The following AGAP1 variants were observed in gnomAD, a reference collection of about 807,000 sequenced individuals.
The protein encoded by AGAP1 is arf-GAP with GTPase, ANK repeat and PH domain-containing protein 1.
AGAP1 carries 29 observed loss-of-function variants against 105.3 expected under a neutral mutation model. The observed-to-expected ratio is 0.28, with a 90% CI of 0.21 to 0.38. AGAP1 has a LOEUF of 0.38. Among genes scored for constraint, AGAP1 ranks in the 10% least tolerant of loss-of-function variants. The probability of loss-of-function intolerance (pLI) is 1.00; values close to 1 mark genes in which losing one functional copy is unlikely to be tolerated. For synonymous variants in AGAP1, 509 were observed against 485.9 expected (o/e 1.05, Z -0.63); for missense variants, 998 against 1,165.1 (o/e 0.86, Z 2.09).
chr2:235,611,509 G>C lies in AGAP1; in HGVS notation c.164-97670G>C, dbSNP rs2149254698. 6.6e-6 allele frequency among the ~76,000 whole-genome samples: 1 copy of C among 152,288 alleles called. No individual in the cohort carries two copies. Among genetic ancestry groups the C allele is most frequent in the Middle Eastern group, 3.4e-3 (1 of 294 alleles). On this transcript the variant is annotated intron_variant, in intron 1 of 17. Coordinates refer to ENST00000304032, the MANE Select transcript of AGAP1 (RefSeq NM_001037131.3). The surrounding 1 kb of genome is among the most constrained non-coding windows in gnomAD (Gnocchi z 5.0). Reference sequence around the variant, plus strand: ...CATGGGGTGGGTGGTTCTGATTCCTGTTTTGAGGTGGTGATTTATGATGCC... The same window carrying C: ...CATGGGGTGGGTGGTTCTGATTCCTCTTTTGAGGTGGTGATTTATGATGCC...
chr2:235,851,616 C>T (rs747581324), intron 9 of AGAP1, among the ~76,000 whole-genome samples: 17 of 152,042 alleles, frequency 1.1e-4, no homozygotes, highest in Non-Finnish European at 2.2e-4. Flanking sequence ...CCCGCGGCAG[C>T]ATACTCTAGG....
rs373102522 is a variant in AGAP1 at position 235,795,664 on chromosome 2, GA to G, written c.674-2086del. Among the ~76,000 whole-genome samples the G allele has an allele frequency of 6.9e-3, 1,033 of 150,504 alleles. 15 individuals are homozygous for G. The highest frequency in any genetic ancestry group is 0.021 in the African/African-American group (861 of 41,160). ...GGTAGAGGGGAAATAGGACAAATAT[GA>G]AAAAAAAATAGTAGAGTTTAAAAAC... On this transcript the variant is annotated intron_variant, in intron 6 of 17. Transcript: ENST00000304032.
intron 9 of AGAP1, among the ~76,000 whole-genome samples, chr2:235,841,285 A>G (rs1487830545): frequency 2.0e-5 from 3 of 152,182 alleles, no homozygotes; most frequent in Non-Finnish European, 4.4e-5. Context: ...GAAGTTACCA[A>G]CAGTCGCCGC....
chr2:235,905,636 A>T lies in AGAP1; in HGVS notation c.1156-3102A>T, dbSNP rs1225397933. Among the ~76,000 whole-genome samples the T allele has an allele frequency of 2.0e-5, 3 of 152,116 alleles. No individual in the cohort carries two copies. The highest frequency in any genetic ancestry group is 7.2e-5 in the African/African-American group (3 of 41,410). ...TGCCTTAGCCTCCCAAGTAGCTGGG[A>T]TTACAAGCACACGCCACCACACCTG... On this transcript the variant is annotated intron_variant, in intron 10 of 17. Transcript: ENST00000304032. This position sits in a 1 kb window ranked among gnomAD's most constrained non-coding sequence, Gnocchi z 4.2.
chr2:235,532,129 AAAG>A (rs1553560712), intron 1 of AGAP1, among the ~76,000 whole-genome samples: 3 of 152,264 alleles, frequency 2.0e-5, no homozygotes, highest in African/African-American at 4.8e-5. Context: ...GGAAAACTAT[AAAG>A]AAGAAGAAAA....
rs1348599484 is a variant in AGAP1, at chr2:235,842,781, G to T, written c.1050+35450G>T. Among the ~76,000 whole-genome samples the T allele has an allele frequency of 6.6e-6, 1 of 152,068 alleles. No homozygotes were observed. Among genetic ancestry groups the T allele is most frequent in the Non-Finnish European group, 1.5e-5 (1 of 68,016 alleles). ...CTCACTCTGTCACCCAGGCCCGAGTGCAGTGGCACGGTCTTGGTTCACTGC... is the reference window on the plus strand; with the variant it reads ...CTCACTCTGTCACCCAGGCCCGAGTTCAGTGGCACGGTCTTGGTTCACTGC... On this transcript the variant is annotated intron_variant, in intron 9 of 17. Transcript: ENST00000304032. This position sits in a 1 kb window ranked among gnomAD's most constrained non-coding sequence, Gnocchi z 5.3.
In AGAP1 at chr2:235,728,492, T is replaced by C. The variant is rs951527852; in HGVS notation, c.310+10848T>C. On this transcript the variant is annotated intron_variant, in intron 3 of 17. Transcript: ENST00000304032. This position sits in a 1 kb window ranked among gnomAD's most constrained non-coding sequence, Gnocchi z 4.3. Reference sequence around the variant, plus strand: ...AACTCACAGTGTAGTCCTTTATCCATGCTTGTTGGCTTCTGGAACGCACAG... The same window carrying C: ...AACTCACAGTGTAGTCCTTTATCCACGCTTGTTGGCTTCTGGAACGCACAG... Among the ~76,000 whole-genome samples, 1 of 152,128 alleles carries C rather than the reference T, an allele frequency of 6.6e-6. No individual in the cohort carries two copies. Among genetic ancestry groups the C allele is most frequent in the Non-Finnish European group, 1.5e-5 (1 of 68,040 alleles).
chr2:235,850,136 A>G (rs1280595883), intron 9 of AGAP1, among the ~76,000 whole-genome samples: 1 of 152,180 alleles, frequency 6.6e-6, no homozygotes, highest in Non-Finnish European at 1.5e-5. Context: ...CTGTGGACAA[A>G]TTCCGGCAAA....
chr2:235,731,300 A>T (rs2149609796), intron 3 of AGAP1, among the ~76,000 whole-genome samples: 1 of 152,288 alleles, frequency 6.6e-6, no homozygotes, highest in Non-Finnish European at 1.5e-5. Flanking sequence ...TTATTTTATC[A>T]CTTGCTTACC....
rs1158405460 is a variant in AGAP1 at position 235,692,348 on chromosome 2, C to T, written c.164-16831C>T. ...GGACCTTGCCTTCTCCAGCACTGGG[C>T]CGTCCACTTTGCTCCTTTGTGCCTG... On this transcript the variant is annotated intron_variant, in intron 1 of 17. Transcript: ENST00000304032. The surrounding 1 kb of genome is among the most constrained non-coding windows in gnomAD (Gnocchi z 5.8). Among the ~76,000 whole-genome samples, 2 of 152,146 alleles carry T rather than the reference C, an allele frequency of 1.3e-5. No homozygotes were observed. Among genetic ancestry groups the T allele is most frequent in the Non-Finnish European group, 2.9e-5 (2 of 68,020 alleles).
At position 235,714,480 on chromosome 2, in the gene AGAP1, C is replaced by T. The variant is rs938759506; in HGVS notation, c.223-3077C>T. ...GATTGATATGGAAAGCTTTAGTTGC[C>T]TGGAGACAGCAAGGCCTGTTAGGAT... On this transcript the variant is annotated intron_variant, in intron 2 of 17. Transcript: ENST00000304032. This position sits in a 1 kb window ranked among gnomAD's most constrained non-coding sequence, Gnocchi z 4.1. 2.6e-4 allele frequency among the ~76,000 whole-genome samples: 39 copies of T among 151,962 alleles called. No homozygotes were observed. The highest frequency in any genetic ancestry group is 8.4e-4 in the African/African-American group (35 of 41,426).
In AGAP1 at chr2:236,120,313, C is replaced by T. The variant is rs141756654; in HGVS notation, c.2236C>T (p.Arg746Trp). The change falls in exon 17 of 18, where the codon CGG (arginine) becomes TGG (tryptophan). Residue 746 changes from arginine to tryptophan, a missense_variant. By Grantham distance (101) the Arg-to-Trp change is moderately radical. Around this residue, in one of 3 missense-constraint regions of AGAP1, gnomAD observed 235 missense variants for 270.7 expected, o/e 0.87. Coordinates refer to ENST00000304032, the MANE Select transcript of AGAP1 (RefSeq NM_001037131.3). The surrounding 1 kb of genome is among the most constrained non-coding windows in gnomAD (Gnocchi z 6.0). ...LLRATADEDL[R>W]TAILLLAHGS... ...GCGGGCCACCGCCGACGAGGACCTG[C>T]GGACGGCCATCCTGCTGCTGGCACA... 13 of 1,612,534 alleles carry T rather than the reference C, an allele frequency of 8.1e-6. No homozygotes were observed. The Middle Eastern group carries it at 7.0e-4, about 86-fold the overall frequency.
At chr2:236,077,951 CAGCG>C (rs1364124488) in intron 16 of AGAP1, among the ~76,000 whole-genome samples, 1 of 152,148 alleles carries the variant, frequency 6.6e-6, no homozygotes, top group Admixed American at 6.5e-5. Flanking sequence ...GCCAGCCTCA[CAGCG>C]ATAGGGCTCT....
chr2:235,677,042 AT>A (rs1948778744), intron 1 of AGAP1, among the ~76,000 whole-genome samples: 1 of 152,122 alleles, frequency 6.6e-6, no homozygotes, highest in South Asian at 2.1e-4. Context: ...TGTGGTGTTG[AT>A]TGTTCCTTGT....
rs187366379 is a variant in AGAP1 at position 235,523,584 on chromosome 2, C to T, written c.163+28735C>T. On this transcript the variant is annotated intron_variant, in intron 1 of 17. Transcript: ENST00000304032. ...AGCTCCCTCCCAGCCCTTAGTGGTC[C>T]TCACTGTGAAAAGCTGATTTTGAGT... Among the ~76,000 whole-genome samples the T allele has an allele frequency of 7.6e-4, 116 of 152,278 alleles. 1 individual carries two copies. The highest frequency in any genetic ancestry group is 2.6e-3 in the African/African-American group (110 of 41,576).
chr2:235,995,229 A>G (rs1207191009), intron 13 of AGAP1, among the ~76,000 whole-genome samples: 1 of 152,044 alleles, frequency 6.6e-6, no homozygotes, highest in Non-Finnish European at 1.5e-5. Flanking sequence ...AAAACCAAAG[A>G]AAAGGCTAGG....
rs1370564328 is a variant in AGAP1 at position 236,092,350 on chromosome 2, AG to A, written c.2115-27838del. ...ACTGCCTTTGAGGGGAAACCAGGTA[AG>A]GGGTACATGAGATCTCTCTGTATTA... On this transcript the variant is annotated intron_variant, in intron 16 of 17. Transcript: ENST00000304032. This position sits in a 1 kb window ranked among gnomAD's most constrained non-coding sequence, Gnocchi z 4.7. Among the ~76,000 whole-genome samples, 1 of 152,158 alleles carries A rather than the reference AG, an allele frequency of 6.6e-6. No homozygotes were observed. The highest frequency in any genetic ancestry group is 2.4e-5 in the African/African-American group (1 of 41,432).
chr2:236,016,693 G>A lies in AGAP1; in HGVS notation c.1646-19868G>A, dbSNP rs77243068. 5.1e-3 allele frequency among the ~76,000 whole-genome samples: 780 copies of A among 152,256 alleles called. 11 individuals carry two copies. The highest frequency in any genetic ancestry group is 0.017 in the African/African-American group (715 of 41,536). On this transcript the variant is annotated intron_variant, in intron 13 of 17. Coordinates refer to ENST00000304032, the MANE Select transcript of AGAP1 (RefSeq NM_001037131.3). ...CAGCATCTGCTCTGCCCAGCACCTC[G>A]GAGGGGTGGAGAGCGTGAATTCCTC...
rs2059993741 is a variant in AGAP1, at chr2:236,125,743, A to G, written c.*1621A>G. The G allele has an allele frequency of 6.6e-6, 1 of 152,130 alleles. No homozygotes were observed. Among genetic ancestry groups the G allele is most frequent in the Admixed American group, 6.5e-5 (1 of 15,272 alleles). The allele number at this position is 152,130 out of a possible 1,614,324, so 9.4% of individuals were successfully genotyped here. A position where few individuals can be genotyped will look rare whatever the true frequency, so the allele number is the denominator to read the frequency against. ...ACGCTAGTACCTCGCCTGATTTTCC[A>G]TCGTTGCGGTATCCAGCCGCTTCAG... On this transcript the variant is annotated 3_prime_UTR_variant, in exon 18 of 18. Transcript: ENST00000304032. The surrounding 1 kb of genome is among the most constrained non-coding windows in gnomAD (Gnocchi z 5.2).
Sources: allele counts gnomAD v4.1 joint callset (sites outside exome capture counted in the v4.1 genomes callset), GRCh38; gene constraint gnomAD v4.1.1; regional missense constraint gnomAD v4.1.1; non-coding constraint Gnocchi (gnomAD v3.1); transcripts MANE v1.5; gene names NCBI Gene and HGNC (gene_info 2026-07-23, HGNC 2026-07-21).